The following QTGAL variants were observed in gnomAD, a reference collection of about 807,000 sequenced individuals.
The protein encoded by QTGAL is queuosine-tRNA galactosyltransferase.
At chr17:83,014,554 T>C in the QTGAL span, 1 of 1,610,730 alleles carries the variant, frequency 6.2e-7, no homozygotes. Flanking sequence ...TTTGTTTGTT[T>C]GCATTGATTG....
the QTGAL span, chr17:83,005,360 G>A: frequency 2.9e-6 from 2 of 699,080 alleles, no homozygotes; most frequent in Non-Finnish European, 2.4e-6. The surrounding 1 kb of genome is among the most constrained non-coding windows in gnomAD (Gnocchi z 5.6). Flanking sequence ...CAAACACCGG[G>A]AGTCGAGGGC....
the QTGAL span, chr17:82,961,111 T>C: frequency 6.2e-7 from 1 of 1,610,090 alleles, no homozygotes; most frequent in Admixed American, 1.7e-5. Flanking sequence ...CAGGAGACTC[T>C]GGTCCACGCG....
the QTGAL span, among the ~76,000 whole-genome samples, chr17:83,023,783 G>A: frequency 6.6e-6 from 1 of 152,330 alleles, no homozygotes; most frequent in Non-Finnish European, 1.5e-5. Context: ...TCCAGCAGCT[G>A]CAGGGAAGAG....
chr17:82,988,373 CTT>C, the QTGAL span, among the ~76,000 whole-genome samples: 2 of 152,158 alleles, frequency 1.3e-5, no homozygotes, highest in Non-Finnish European at 2.9e-5. Context: ...GGATTAAAGA[CTT>C]AAACGTAAAA....
At chr17:82,944,515 T>G in the QTGAL span, 1 of 152,190 alleles carries the variant, frequency 6.6e-6, no homozygotes, top group African/African-American at 2.4e-5. Context: ...AATGGCATGT[T>G]GGGTGTTGAC....
At chr17:83,027,699 C>CAAAAAAAA in the QTGAL span, among the ~76,000 whole-genome samples, 2 of 31,506 alleles carry the variant, frequency 6.3e-5, no homozygotes, top group African/African-American at 2.0e-4. Flanking sequence ...GAGACGCTCT[C>CAAAAAAAA]AAAAAAAAAA....
chr17:83,007,725 T>C, the QTGAL span, among the ~76,000 whole-genome samples: 1 of 152,114 alleles, frequency 6.6e-6, no homozygotes, highest in African/African-American at 2.4e-5. Flanking sequence ...CATGCTTCCC[T>C]GGAAAGGTAA....
the QTGAL span, among the ~76,000 whole-genome samples, chr17:83,025,646 G>A: frequency 4.9e-5 from 7 of 141,824 alleles, no homozygotes; most frequent in South Asian, 2.3e-4. Flanking sequence ...CGGACACCGC[G>A]GAGAGTCCAC....
chr17:83,005,696 C>T, the QTGAL span: 4,400 of 703,810 alleles, frequency 6.3e-3, 138 homozygotes, highest in African/African-American at 0.069. This position sits in a 1 kb window ranked among gnomAD's most constrained non-coding sequence, Gnocchi z 5.6. Flanking sequence ...GCCTTGCTAC[C>T]AGCTGGCTTC....
At chr17:83,048,172 G>A in the QTGAL span, among the ~76,000 whole-genome samples, 3 of 152,238 alleles carry the variant, frequency 2.0e-5, no homozygotes, top group South Asian at 2.1e-4. Flanking sequence ...GATTACAGGC[G>A]TGTGCCACTA....
At chr17:83,023,157 T>G in the QTGAL span, among the ~76,000 whole-genome samples, 89 of 104,682 alleles carry the variant, frequency 8.5e-4, no homozygotes, top group East Asian at 0.02. Flanking sequence ...TGAACTCACA[T>G]GAGCTTAGCA....
At chr17:83,046,547 G>C in the QTGAL span, among the ~76,000 whole-genome samples, 3 of 152,230 alleles carry the variant, frequency 2.0e-5, no homozygotes, top group African/African-American at 7.2e-5. Context: ...ACACCCACTA[G>C]CATGGCTATA....
the QTGAL span, among the ~76,000 whole-genome samples, chr17:82,986,701 C>G: frequency 0.39 from 59,544 of 152,172 alleles, 12,163 homozygotes; most frequent in African/African-American, 0.5. Flanking sequence ...TCATCATAAA[C>G]AGCACCAACG....
chr17:83,029,869 A>C, the QTGAL span, among the ~76,000 whole-genome samples: 2 of 152,222 alleles, frequency 1.3e-5, no homozygotes, highest in African/African-American at 4.8e-5. Context: ...GTCTCCTGCC[A>C]GTCAGCTTCT....
chr17:83,006,823 G>A, the QTGAL span: 20 of 984,612 alleles, frequency 2.0e-5, no homozygotes, highest in Admixed American at 1.2e-4. This position sits in a 1 kb window ranked among gnomAD's most constrained non-coding sequence, Gnocchi z 5.8. Flanking sequence ...TGTGAACAGC[G>A]TCTTCAATCC....
At chr17:83,013,160 C>G in the QTGAL span, among the ~76,000 whole-genome samples, 1 of 152,174 alleles carries the variant, frequency 6.6e-6, no homozygotes, top group Admixed American at 6.5e-5. Flanking sequence ...CTCTCCTGCC[C>G]TCACAGAAAA....
the QTGAL span, among the ~76,000 whole-genome samples, chr17:83,038,942 ACAGATGTTCTACAATAATCAATTTAT>A: frequency 4.0e-4 from 48 of 121,192 alleles, 8 homozygotes; most frequent in Non-Finnish European, 4.7e-4. Flanking sequence ...GCAAGTTGAA[ACAGATGTTCTACAATAATCAATTTAT>A]AAAGAGTTTT....
chr17:83,009,488 G>C, the QTGAL span, among the ~76,000 whole-genome samples: 1 of 152,118 alleles, frequency 6.6e-6, no homozygotes, highest in Non-Finnish European at 1.5e-5. Flanking sequence ...TGAGACCCAC[G>C]AGGTGAGTCC....
At chr17:83,005,669 T>C in the QTGAL span, 34 of 703,846 alleles carry the variant, frequency 4.8e-5, 1 homozygote, top group South Asian at 4.8e-4. This position sits in a 1 kb window ranked among gnomAD's most constrained non-coding sequence, Gnocchi z 5.6. Flanking sequence ...GAAAGCAGCG[T>C]CCCTAAGTGG....
Sources: gnomAD v4.1 joint callset for allele counts (sites outside exome capture counted in the v4.1 genomes callset) on GRCh38, gnomAD v4.1.1 for gene constraint, Gnocchi (gnomAD v3.1) non-coding constraint, MANE v1.5 for transcripts, NCBI Gene and HGNC (gene_info 2026-07-23, HGNC 2026-07-21) for gene names.